The following ARHGAP18 variants were observed in gnomAD, a reference collection of about 807,000 sequenced individuals.
The protein encoded by ARHGAP18 is rho GTPase-activating protein 18.
Under a neutral mutation model 86.2 loss-of-function variants are expected in ARHGAP18, and 67 were observed. That is an observed-to-expected ratio of 0.78 (90% confidence interval 0.64 to 0.95). The LOEUF (loss-of-function observed/expected upper bound fraction) is 0.95. ARHGAP18 is among the 40% of genes least tolerant of loss of function. ARHGAP18 has a pLI of 0.00. For missense variants in ARHGAP18, 691 were observed against 780.4 expected, an observed-to-expected ratio of 0.89 and a Z score of 1.37; for synonymous variants, 283 against 280.4, an observed-to-expected ratio of 1.01 and a Z score of -0.09.
At chr6:129,615,367 T>A (rs575286031) in intron 7 of ARHGAP18, among the ~76,000 whole-genome samples, 4 of 152,202 alleles carry the variant, frequency 2.6e-5, no homozygotes, top group Admixed American at 2.6e-4. Context: ...CAGGTTTGAA[T>A]GTAGTGGTAG....
At chr6:129,652,707 T>C (rs1254497524) in intron 1 of ARHGAP18, among the ~76,000 whole-genome samples, 1 of 152,186 alleles carries the variant, frequency 6.6e-6, no homozygotes, top group Non-Finnish European at 1.5e-5. Context: ...TTAAATATCA[T>C]CCAGGAATTT....
At chr6:129,623,365 A>G (rs950249438) in intron 5 of ARHGAP18, among the ~76,000 whole-genome samples, 13 of 152,186 alleles carry the variant, frequency 8.5e-5, no homozygotes, top group Admixed American at 6.5e-4. Flanking sequence ...ACAGAGCATA[A>G]TTTCTGAGAT....
At chr6:129,617,368 G>A (rs966618241) in intron 6 of ARHGAP18, among the ~76,000 whole-genome samples, 13 of 152,124 alleles carry the variant, frequency 8.5e-5, no homozygotes, top group African/African-American at 2.9e-4. Context: ...TTATCTTGTG[G>A]TATGAGGACA....
intron 3 of ARHGAP18, among the ~76,000 whole-genome samples, chr6:129,637,187 C>T (rs893367304): frequency 5.3e-5 from 8 of 151,536 alleles, no homozygotes; most frequent in African/African-American, 1.7e-4. Flanking sequence ...GCCTCAGCCC[C>T]GCAAGTAGCT....
intron 1 of ARHGAP18, among the ~76,000 whole-genome samples, chr6:129,696,040 A>G (rs1413939890): frequency 2.0e-5 from 3 of 152,262 alleles, no homozygotes; most frequent in African/African-American, 7.2e-5. Flanking sequence ...AGTCTCAATG[A>G]TAACAGTTAT....
intron 1 of ARHGAP18, among the ~76,000 whole-genome samples, chr6:129,698,151 G>C (rs1774649922): frequency 6.6e-6 from 1 of 152,138 alleles, no homozygotes; most frequent in Non-Finnish European, 1.5e-5. Context: ...CAATTGAGAT[G>C]CACTGCAAAC....
At chr6:129,585,798 C>T (rs1245422092) in intron 12 of ARHGAP18, among the ~76,000 whole-genome samples, 1 of 152,206 alleles carries the variant, frequency 6.6e-6, no homozygotes, top group Non-Finnish European at 1.5e-5. Context: ...ATGCTCAATT[C>T]AATCTGTGAA....
intron 10 of ARHGAP18, 73 bp downstream of exon 10, chr6:129,605,804 G>T: frequency 7.4e-7 from 1 of 1,356,920 alleles, no homozygotes; most frequent in Non-Finnish European, 1.0e-6. Flanking sequence ...ACATCTTATT[G>T]TTTTGCCACA....
intron 7 of ARHGAP18, among the ~76,000 whole-genome samples, chr6:129,615,168 T>C (rs1260079399): frequency 1.3e-5 from 2 of 152,208 alleles, no homozygotes; most frequent in South Asian, 2.1e-4. Flanking sequence ...CTTTGGTGTA[T>C]AGTAAATTGC....
Position 129,576,518 on chromosome 6 carries a change from T to C in ARHGAP18, c.*1995A>G, listed in dbSNP as rs1320794266. On this transcript the variant is annotated 3_prime_UTR_variant, in exon 15 of 15. Transcript: ENST00000368149. Reference sequence around the variant, plus strand: ...TTTTTGTTATTTAAACGTGATATTATTCAACATTGATGAACTTGGGTCGTG... The same window carrying C: ...TTTTTGTTATTTAAACGTGATATTACTCAACATTGATGAACTTGGGTCGTG... The C allele has an allele frequency of 6.6e-6, 1 of 152,216 alleles. No individual in the cohort carries two copies. Among genetic ancestry groups the C allele is most frequent in the Non-Finnish European group, 1.5e-5 (1 of 68,036 alleles). 9.4% of individuals were successfully genotyped at this position (152,216 alleles called of 1,614,324 possible).
rs759590664 is a variant in ARHGAP18, at chr6:129,607,953, G to T, written c.1222C>A (p.Arg408=). ...DAASLLKLFI[R]ELPQPLLSVE... ...CTGAGCAGTGGCTGGGGCAACTCCC[G>T]AATGAAGAGCTTCAGCAGGCTGGCG... Residue 408 remains arginine (R), a synonymous_variant, in exon 9 of 15, where the codon CGG becomes AGG. Transcript: ENST00000368149. The T allele has an allele frequency of 4.3e-6, 7 of 1,611,464 alleles. No individual in the cohort carries two copies. The highest frequency in any genetic ancestry group is 5.9e-6 in the Non-Finnish European group (7 of 1,179,064).
chr6:129,613,415 A>C (rs373729750), intron 7 of ARHGAP18, among the ~76,000 whole-genome samples: 3 of 152,254 alleles, frequency 2.0e-5, no homozygotes, highest in East Asian at 3.9e-4. Context: ...TGTATAGCCA[A>C]TTTTCATTTT....
intron 5 of ARHGAP18, among the ~76,000 whole-genome samples, chr6:129,626,749 A>C (rs560299619): frequency 1.3e-5 from 2 of 152,080 alleles, no homozygotes; most frequent in African/African-American, 4.8e-5. Context: ...TCTAGTAATC[A>C]TATTGTTGAT....
At chr6:129,629,909 T>C (rs918973761) in intron 4 of ARHGAP18, among the ~76,000 whole-genome samples, 19 of 152,254 alleles carry the variant, frequency 1.2e-4, no homozygotes, top group Non-Finnish European at 2.9e-5. Flanking sequence ...TGATGAGCAG[T>C]AATCTCTTGT....
intron 1 of ARHGAP18, among the ~76,000 whole-genome samples, chr6:129,668,401 G>GAC (rs1584103189): frequency 1.2e-5 from 1 of 84,922 alleles, no homozygotes; most frequent in African/African-American, 4.9e-5. Context: ...CACACACACA[G>GAC]ACACACACAC....
intron 5 of ARHGAP18, 135 bp downstream of exon 5, chr6:129,629,218 T>C: frequency 1.2e-6 from 1 of 811,224 alleles, no homozygotes; most frequent in East Asian, 3.3e-5. Context: ...GCCTCATCTT[T>C]CTCTCTGTCT....
At chr6:129,644,180 T>C (rs1305500563) in intron 1 of ARHGAP18, among the ~76,000 whole-genome samples, 1 of 152,140 alleles carries the variant, frequency 6.6e-6, no homozygotes, top group Non-Finnish European at 1.5e-5. Context: ...CATTGTTCAT[T>C]GTTTGCCTTC....
At position 129,599,315 on chromosome 6, in the gene ARHGAP18, C is replaced by T. The variant is rs148650117; in HGVS notation, c.1614G>A (p.Thr538=). ...CTCTTTTATCCTTTTTATGATTTTC[C>T]GTGTTTTGCTTCCTCACTTGGTTTA... ...FIVNQVRKQN[T]ENHKKDKRAM... The change falls in exon 12 of 15, where the codon ACG becomes ACA. Residue 538 remains threonine, a synonymous_variant. Transcript: ENST00000368149. 3.3e-4 allele frequency: 517 copies of T among 1,583,808 alleles called. No homozygotes were observed. The highest frequency in any genetic ancestry group is 4.3e-4 in the Non-Finnish European group (504 of 1,167,134).
intron 2 of ARHGAP18, among the ~76,000 whole-genome samples, chr6:129,639,505 A>G (rs1387347517): frequency 6.6e-6 from 1 of 152,200 alleles, no homozygotes; most frequent in African/African-American, 2.4e-5. Flanking sequence ...TCTGTAAACT[A>G]AAGCACACCT....
Sources: gnomAD v4.1 joint callset for allele counts (sites outside exome capture counted in the v4.1 genomes callset) on GRCh38, gnomAD v4.1.1 for gene constraint, MANE v1.5 for transcripts, NCBI Gene and HGNC (gene_info 2026-07-23, HGNC 2026-07-21) for gene names.